PCDH9: variants seen among roughly 807,000 people sequenced by gnomAD.
The protein encoded by PCDH9 is protocadherin-9.
Under a neutral mutation model 70.6 loss-of-function variants are expected in PCDH9, and 24 were observed. That is an observed-to-expected ratio of 0.34 (90% CI 0.25 to 0.48). PCDH9 has a LOEUF of 0.48. Ranked by LOEUF, PCDH9 falls within the 20% of genes least tolerant of loss-of-function variation. The pLI, the probability that PCDH9 is intolerant of heterozygous loss-of-function variation, is 0.99. For synonymous variants in PCDH9, 562 were observed against 558.5 expected (o/e 1.01, Z -0.09); for missense variants, 1,281 against 1,503.6 (o/e 0.85, Z 2.45).
At chr13:66,759,594 A>T in intron 3 of PCDH9, among the ~76,000 whole-genome samples, 1 of 150,854 alleles carries the variant, frequency 6.6e-6, no homozygotes, top group Non-Finnish European at 1.5e-5. Flanking sequence ...TTCCTCATTT[A>T]GTTTGTTTCT....
intron 2 of PCDH9, among the ~76,000 whole-genome samples, chr13:67,069,986 C>A: frequency 6.6e-6 from 1 of 151,770 alleles, no homozygotes; most frequent in South Asian, 2.1e-4. Context: ...TTTTCATATA[C>A]AGTATTTCAA....
chr13:66,383,179 C>A (rs1263955851), intron 4 of PCDH9, among the ~76,000 whole-genome samples: 1 of 152,146 alleles, frequency 6.6e-6, no homozygotes, highest in Non-Finnish European at 1.5e-5. Context: ...GGAAATTACA[C>A]TGTGAACATT....
chr13:66,693,536 A>G (rs1379476291), intron 3 of PCDH9, among the ~76,000 whole-genome samples: 1 of 152,174 alleles, frequency 6.6e-6, no homozygotes, highest in Non-Finnish European at 1.5e-5. Flanking sequence ...TATTTTTAAA[A>G]ATTAAAATGC....
intron 4 of PCDH9, 39 bp downstream of exon 4, chr13:66,631,171 G>A: frequency 1.9e-6 from 2 of 1,051,462 alleles, no homozygotes; most frequent in Non-Finnish European, 3.0e-6. Context: ...TACAAAACCA[G>A]AACAACTCCA....
At chr13:66,440,429 G>C (rs979286736) in intron 4 of PCDH9, among the ~76,000 whole-genome samples, 2 of 151,824 alleles carry the variant, frequency 1.3e-5, no homozygotes, top group Non-Finnish European at 2.9e-5. Flanking sequence ...AGATTTTTTG[G>C]CTGGACATTT....
intron 3 of PCDH9, among the ~76,000 whole-genome samples, chr13:66,791,186 A>T (rs1056546475): frequency 1.3e-5 from 2 of 152,132 alleles, no homozygotes; most frequent in African/African-American, 4.8e-5. Context: ...ACATAAACAC[A>T]TGGAGAAATT....
chr13:66,692,859 C>T (rs2078507875), intron 3 of PCDH9, among the ~76,000 whole-genome samples: 1 of 151,994 alleles, frequency 6.6e-6, no homozygotes, highest in Admixed American at 6.6e-5. Flanking sequence ...AATAACATGA[C>T]ACTGTACACT....
chr13:66,630,974 T>C (rs1448146519), intron 4 of PCDH9, among the ~76,000 whole-genome samples: 2 of 152,192 alleles, frequency 1.3e-5, no homozygotes, highest in South Asian at 2.1e-4. Context: ...GTTATATTTA[T>C]AGCATGTTTT....
At chr13:67,165,011 C>T (rs1429899872) in intron 2 of PCDH9, among the ~76,000 whole-genome samples, 1 of 152,072 alleles carries the variant, frequency 6.6e-6, no homozygotes, top group Non-Finnish European at 1.5e-5. Flanking sequence ...TCTTATTGAC[C>T]ATAGCATCCC....
chr13:66,971,471 A>G (rs1566329864), intron 2 of PCDH9, among the ~76,000 whole-genome samples: 1 of 152,200 alleles, frequency 6.6e-6, no homozygotes, highest in East Asian at 1.9e-4. Context: ...ATGCATGAAA[A>G]AGTTTATATT....
At chr13:66,553,593 A>G (rs1961592263) in intron 4 of PCDH9, among the ~76,000 whole-genome samples, 1 of 152,200 alleles carries the variant, frequency 6.6e-6, no homozygotes, top group African/African-American at 2.4e-5. Flanking sequence ...ACAGGAAATA[A>G]GCCTGGTCCT....
At chr13:66,985,355 T>C (rs1481451280) in intron 2 of PCDH9, 2 of 152,258 alleles carry the variant, frequency 1.3e-5, no homozygotes, top group East Asian at 3.9e-4. Flanking sequence ...TAATTTAAAA[T>C]TTATTCAAAC....
intron 3 of PCDH9, among the ~76,000 whole-genome samples, chr13:66,654,943 C>G (rs901545311): frequency 6.6e-6 from 1 of 151,870 alleles, no homozygotes; most frequent in South Asian, 2.1e-4. Context: ...CCAGGCTGGT[C>G]CCTAACTCCT....
At chr13:66,473,782 T>A (rs1268532972) in intron 4 of PCDH9, among the ~76,000 whole-genome samples, 1 of 152,172 alleles carries the variant, frequency 6.6e-6, no homozygotes, top group Admixed American at 6.5e-5. Context: ...TGGGGACTAG[T>A]AAAGCTTCTT....
intron 4 of PCDH9, among the ~76,000 whole-genome samples, chr13:66,576,617 G>A (rs1000906257): frequency 5.3e-5 from 8 of 151,976 alleles, no homozygotes; most frequent in Non-Finnish European, 5.9e-5. Flanking sequence ...TCATAATTAC[G>A]TATTGACAAG....
At chr13:66,436,076 T>C (rs1034331712) in intron 4 of PCDH9, among the ~76,000 whole-genome samples, 2 of 152,140 alleles carry the variant, frequency 1.3e-5, no homozygotes, top group African/African-American at 4.8e-5. Context: ...GACTTTCTTA[T>C]TTTTGCTTTA....
At chr13:67,169,853 C>T (rs534967864) in intron 2 of PCDH9, among the ~76,000 whole-genome samples, 3 of 152,300 alleles carry the variant, frequency 2.0e-5, no homozygotes, top group East Asian at 3.9e-4. Context: ...TGCTAAAAGA[C>T]TCACATGAGT....
chr13:66,756,745 T>C (rs1401128193), intron 3 of PCDH9, among the ~76,000 whole-genome samples: 1 of 152,186 alleles, frequency 6.6e-6, no homozygotes, highest in Non-Finnish European at 1.5e-5. Context: ...TTTACAATAA[T>C]GGAATTGTAG....
chr13:66,434,896 T>C (rs1957840836), intron 4 of PCDH9, among the ~76,000 whole-genome samples: 1 of 152,202 alleles, frequency 6.6e-6, no homozygotes, highest in South Asian at 2.1e-4. Flanking sequence ...TATTTTTAAA[T>C]GCTATTATAG....
Sources: gnomAD v4.1 joint callset for allele counts (sites outside exome capture counted in the v4.1 genomes callset) on GRCh38, gnomAD v4.1.1 for gene constraint, MANE v1.5 for transcripts, NCBI Gene and HGNC (gene_info 2026-07-23, HGNC 2026-07-21) for gene names.